The following SOX6 variants were observed in gnomAD, a reference collection of about 807,000 sequenced individuals.
SOX6 encodes SRY-box transcription factor 6.
In SOX6, 11 loss-of-function variants were observed where a neutral mutation model predicts 97.8. That is an observed-to-expected ratio of 0.11 (90% CI 0.07 to 0.19). The LOEUF (loss-of-function observed/expected upper bound fraction) is 0.19, where lower values mean the gene tolerates loss of function less well. SOX6 is among the 10% of genes least tolerant of loss of function. The pLI is 1.00. For missense variants in SOX6, 810 were observed against 1,039.5 expected (o/e 0.78, Z 3.04); for synonymous variants, 360 against 371.4 (o/e 0.97, Z 0.35).
intron 1 of SOX6, among the ~76,000 whole-genome samples, chr11:16,369,000 T>C (rs1192497570): frequency 2.0e-5 from 3 of 151,716 alleles, no homozygotes; most frequent in Non-Finnish European, 4.4e-5. Context: ...TTGAGGGAGG[T>C]AGAGGTGGGA....
chr11:16,165,553 A>G (rs1019357370), intron 6 of SOX6, among the ~76,000 whole-genome samples: 1 of 152,224 alleles, frequency 6.6e-6, no homozygotes, highest in Non-Finnish European at 1.5e-5. Context: ...CCAAGGAACT[A>G]CATAGCATTA....
chr11:16,262,378 A>T (rs1853929313), intron 3 of SOX6, among the ~76,000 whole-genome samples: 1 of 152,078 alleles, frequency 6.6e-6, no homozygotes, highest in African/African-American at 2.4e-5. Context: ...TAAAGTGAGG[A>T]GGAAAATCAC....
At chr11:16,321,395 A>G (rs1855922330) in intron 2 of SOX6, among the ~76,000 whole-genome samples, 1 of 152,098 alleles carries the variant, frequency 6.6e-6, no homozygotes, top group African/African-American at 2.4e-5. Context: ...TCACTGCCAA[A>G]CTGAAATTGA....
intron 6 of SOX6, among the ~76,000 whole-genome samples, chr11:16,131,130 A>G (rs571392209): frequency 4.6e-5 from 7 of 152,076 alleles, no homozygotes; most frequent in African/African-American, 1.7e-4. Context: ...TTAAAATCGT[A>G]AACTTTGCTC....
chr11:16,609,437 A>C (rs866075964), intron 4 of SOX6, among the ~76,000 whole-genome samples: 2 of 151,862 alleles, frequency 1.3e-5, no homozygotes, highest in Admixed American at 6.5e-5. Context: ...GTTCATCGAA[A>C]GAGACTTTGT....
At chr11:16,582,437 T>C (rs1257859822) in intron 4 of SOX6, among the ~76,000 whole-genome samples, 5 of 152,212 alleles carry the variant, frequency 3.3e-5, no homozygotes, top group Admixed American at 6.5e-5. Flanking sequence ...TAGTAGACCC[T>C]GTTTTAATCA....
chr11:16,096,015 T>C lies in SOX6; in HGVS notation c.1082A>G (p.Tyr361Cys), dbSNP rs1848785942. 2 of 1,611,412 alleles carry C rather than the reference T, an allele frequency of 1.2e-6. No homozygotes were observed. Among genetic ancestry groups the C allele is most frequent in the Non-Finnish European group, 1.7e-6 (2 of 1,178,436 alleles). Residue 361 changes from tyrosine (Y) to cysteine (C), a missense_variant, in exon 9 of 16, where the codon TAC becomes TGC. This residue lies in a region of SOX6 where 244 missense variants were observed against 261.0 expected (regional missense o/e 0.93). Transcript: ENST00000683767. Reference protein sequence around the residue: ...DTFEHGGGHSYNHKQIEQLYA... With the variant: ...DTFEHGGGHSCNHKQIEQLYA... ...TCATACCTCAATCTGTTTGTGGTTG[T>C]AAGAGTGGCCACCACCATGTTCAAA...
chr11:16,329,720 A>G (rs1324351992), intron 2 of SOX6, among the ~76,000 whole-genome samples: 1 of 152,220 alleles, frequency 6.6e-6, no homozygotes, highest in Non-Finnish European at 1.5e-5. Context: ...GGCATTACAT[A>G]GTAAGTGATA....
At chr11:16,323,277 T>C (rs1308546742) in intron 2 of SOX6, among the ~76,000 whole-genome samples, 1 of 152,174 alleles carries the variant, frequency 6.6e-6, no homozygotes, top group African/African-American at 2.4e-5. Flanking sequence ...AAAAAGTTTC[T>C]AGGAAAGAAA....
intron 9 of SOX6, among the ~76,000 whole-genome samples, chr11:16,087,423 A>G (rs572201196): frequency 1.3e-5 from 2 of 152,292 alleles, no homozygotes; most frequent in African/African-American, 4.8e-5. Flanking sequence ...CCTAATGAAC[A>G]GTTCCCAGGT....
chr11:16,669,536 C>A (rs1847832025), intron 3 of SOX6, among the ~76,000 whole-genome samples: 1 of 152,202 alleles, frequency 6.6e-6, no homozygotes, highest in Non-Finnish European at 1.5e-5. Flanking sequence ...GTTCTCCAGG[C>A]CCTGGGCCTC....
chr11:15,988,396 T>C (rs1455890612), intron 14 of SOX6, among the ~76,000 whole-genome samples: 3 of 152,228 alleles, frequency 2.0e-5, no homozygotes, highest in Non-Finnish European at 2.9e-5. Flanking sequence ...AGCTCGTGTG[T>C]TCAGCTCACT....
chr11:16,225,373 T>C (rs1852654896), intron 4 of SOX6, among the ~76,000 whole-genome samples: 1 of 151,354 alleles, frequency 6.6e-6, no homozygotes, highest in African/African-American at 2.4e-5. Flanking sequence ...AAAAATTCAT[T>C]CATAAGCAAA....
At chr11:16,043,762 T>C (rs1855746389) in intron 12 of SOX6, among the ~76,000 whole-genome samples, 1 of 152,170 alleles carries the variant, frequency 6.6e-6, no homozygotes, top group African/African-American at 2.4e-5. Context: ...GGAAGATTTA[T>C]TCCCTCAGCT....
chr11:16,412,178 C>G (rs576554730), intron 1 of SOX6, among the ~76,000 whole-genome samples: 1 of 152,292 alleles, frequency 6.6e-6, no homozygotes, highest in African/African-American at 2.4e-5. Flanking sequence ...TATATCATCT[C>G]ATTTGCATTT....
intron 6 of SOX6, among the ~76,000 whole-genome samples, chr11:16,130,027 A>G (rs1849701463): frequency 6.6e-6 from 1 of 152,082 alleles, no homozygotes; most frequent in Admixed American, 6.6e-5. Context: ...TTTATCTGCA[A>G]AAAATATAAT....
At chr11:16,003,415 T>C (rs1854461005) in intron 13 of SOX6, among the ~76,000 whole-genome samples, 1 of 152,078 alleles carries the variant, frequency 6.6e-6, no homozygotes, top group African/African-American at 2.4e-5. Context: ...ATAAGTAGCT[T>C]AGGCTCTGAC....
chr11:16,104,279 G>T (rs2133984834), intron 7 of SOX6, among the ~76,000 whole-genome samples: 1 of 151,966 alleles, frequency 6.6e-6, no homozygotes, highest in Non-Finnish European at 1.5e-5. Flanking sequence ...AAATACTCTG[G>T]AAGAGACAGA....
intron 4 of SOX6, among the ~76,000 whole-genome samples, chr11:16,551,607 T>A (rs561574177): frequency 9.9e-5 from 15 of 151,740 alleles, no homozygotes; most frequent in South Asian, 4.2e-4. Context: ...TATGAAAAAA[T>A]ATATATATTT....
Sources: gnomAD v4.1 joint callset for allele counts (sites outside exome capture counted in the v4.1 genomes callset) on GRCh38, gnomAD v4.1.1 for gene constraint, gnomAD v4.1.1 regional missense constraint, MANE v1.5 for transcripts, NCBI Gene and HGNC (gene_info 2026-07-23, HGNC 2026-07-21) for gene names.